The following KLK10 variants were observed in gnomAD, a reference collection of about 807,000 sequenced individuals.
The protein encoded by KLK10 is kallikrein related peptidase 10, also known as kallikrein-10.
KLK10 carries 27 observed loss-of-function variants against 25.7 expected under a neutral mutation model. The ratio of observed to expected loss-of-function variants is 1.05; its 90% confidence interval spans 0.77 to 1.45. The LOEUF (loss-of-function observed/expected upper bound fraction) is 1.45, where lower values mean the gene tolerates loss of function less well. KLK10 is among the 40% of genes most tolerant of loss of function. KLK10 has a pLI of 0.00. For synonymous variants in KLK10, 173 were observed against 160.1 expected, an observed-to-expected ratio of 1.08 and a Z score of -0.61; for missense variants, 386 against 370.0, an observed-to-expected ratio of 1.04 and a Z score of -0.35.
In KLK10 at chr19:51,014,841, T is replaced by G. The variant is rs1419441370; in HGVS notation, c.790A>C (p.Lys264Gln). The G allele has an allele frequency of 6.2e-7, 1 of 1,613,970 alleles. No individual in the cohort carries two copies. The highest frequency in any genetic ancestry group is 8.5e-7 in the Non-Finnish European group (1 of 1,179,984). ...QHPAVYTQIC[K>Q]YMSWINKVIR... is the part of the protein sequence containing the mutation. ...ACTTTATTGATCCAGGACATGTATT[T>G]GCAGATCTGGGTGTAGACAGCTGGA... Residue 264 changes from lysine (K) to glutamine (Q), a missense_variant, in exon 6 of 6, where the codon AAA becomes CAA. Physicochemically the swap from Lys to Gln is moderately conservative, Grantham distance 53. Transcript: ENST00000358789.
chr19:51,016,012 G>A lies in KLK10; in HGVS notation c.414C>T (p.Leu138=), dbSNP rs372790291. ...CGGGCCTGGCCAGCTTCAGCAACAT[G>A]AGATCGTGCTCATCCGTTCGCCTTG... ...ILPRRTDEHD[L]MLLKLARPVV... Residue 138 remains leucine (L), a synonymous_variant, in exon 4 of 6, where the codon CTC becomes CTT. Transcript: ENST00000358789. 6.4e-7 allele frequency: 1 copy of A among 1,567,162 alleles called. No homozygotes were observed.
chr19:51,017,276 G>T lies in KLK10; in HGVS notation c.103C>A (p.Leu35Met). 1 of 1,605,344 alleles carries T rather than the reference G, an allele frequency of 6.2e-7. No individual in the cohort carries two copies. Among genetic ancestry groups the T allele is most frequent in the South Asian group, 1.1e-5 (1 of 90,640 alleles). The stretch of plus-strand genomic sequence containing the variant: ...AAGCGCGTGTCGTTTTGGGGGAGCA[G>T]CGCCGCCTCTGCGGCTGGAGAAAGA... The part of the protein sequence containing the change: ...MAQLWAAEAA[L>M]LPQNDTRLDP... The change falls in exon 3 of 6, where the codon CTG becomes ATG. Residue 35 changes from leucine to methionine, a missense_variant. Transcript: ENST00000358789.
chr19:51,015,512 T>A lies in KLK10; in HGVS notation c.583A>T (p.Ile195Phe). The change falls in exon 5 of 6, where the codon ATC becomes TTC. Residue 195 changes from isoleucine (I) to phenylalanine (F), a missense_variant. Physicochemically the swap from Ile to Phe is conservative, Grantham distance 21 (BLOSUM62 0). Transcript: ENST00000358789. ...NKGLTCSSIT[I>F]LSPKECEVFY... The stretch of plus-strand genomic sequence containing the variant: ...ACCTCACACTCTTTAGGGCTCAGGA[T>A]AGTGATGCTGGAGCAGGTCAGGCCC... 6.2e-7 allele frequency: 1 copy of A among 1,613,906 alleles called. No individual in the cohort carries two copies. The highest frequency in any genetic ancestry group is 8.5e-7 in the Non-Finnish European group (1 of 1,179,866).
At chr19:51,019,816 G>C (rs2091383714), upstream of KLK10, 1 of 145,832 alleles carries the variant, frequency 6.9e-6, no homozygotes, top group Non-Finnish European at 1.5e-5. The surrounding 1 kb of genome is among the most constrained non-coding windows in gnomAD (Gnocchi z 4.2). Context: ...CTGTCTAATT[G>C]TACCGTGGGT....
Position 51,016,056 on chromosome 19 carries a change from C to A in KLK10, c.370G>T (p.Gly124Cys), listed in dbSNP as rs760972602. 2.5e-6 allele frequency: 4 copies of A among 1,568,928 alleles called. No individual in the cohort carries two copies. In the African/African-American group the frequency reaches 5.4e-5, roughly 21 times the overall value. Residue 124 changes from glycine (G) to cysteine (C), a missense_variant, in exon 4 of 6, where the codon GGC (glycine) becomes TGC (cysteine). Coordinates refer to ENST00000358789, the MANE Select transcript of KLK10 (RefSeq NM_145888.3). ...CGCCTTGGCAGGATGGGGCCTGAGCCCTGGTGGTACTTGGGATGGACAACA... is the reference window on the plus strand; with the variant it reads ...CGCCTTGGCAGGATGGGGCCTGAGCACTGGTGGTACTTGGGATGGACAACA... ...RSVVHPKYHQ[G>C]SGPILPRRTD...
In KLK10 at chr19:51,015,997, C is replaced by T; in HGVS notation, c.429G>A (p.Leu143=). ...TDEHDLMLLK[L]ARPVVLGPRV... ...GGGGCCCCAGCACTACGGGCCTGGC[C>T]AGCTTCAGCAACATGAGATCGTGCT... Residue 143 remains leucine, a synonymous_variant, in exon 4 of 6, where the codon CTG becomes CTA. Coordinates refer to ENST00000358789, the MANE Select transcript of KLK10 (RefSeq NM_145888.3). The T allele has an allele frequency of 6.4e-7, 1 of 1,570,212 alleles. No homozygotes were observed. Among genetic ancestry groups the T allele is most frequent in the Non-Finnish European group, 8.6e-7 (1 of 1,157,590 alleles).
In KLK10 at chr19:51,018,825, G is replaced by A; in HGVS notation, c.88+218C>T. On this transcript the variant is annotated intron_variant, in intron 2 of 5. Coordinates refer to ENST00000358789, the MANE Select transcript of KLK10 (RefSeq NM_145888.3). The stretch of plus-strand genomic sequence containing the variant: ...TCCACGGAAGAGCGAGGATCCGGGT[G>A]GCAGAAATCGGACAGGGCCTGAGTG... The A allele has an allele frequency of 5.1e-6, 3 of 586,058 alleles. No homozygotes were observed. The South Asian group carries it at 6.0e-5, about 12-fold the overall frequency. 36.3% of individuals were successfully genotyped at this position (586,058 alleles called of 1,614,324 possible). A position where few individuals can be genotyped will look rare whatever the true frequency, so the allele number is the denominator to read the frequency against.
intron 2 of KLK10, among the ~76,000 whole-genome samples, chr19:51,018,164 C>CAAAAAAAAAAAAAAAAAAAAAA (rs35154267): frequency 5.2e-4 from 19 of 36,440 alleles, no homozygotes; most frequent in East Asian, 1.6e-3. Flanking sequence ...TGCCCTGTCT[C>CAAAAAAAAAAAAAAAAAAAAAA]AAAAAAAAAA....
Position 51,017,171 on chromosome 19 carries a change from G to A in KLK10, c.208C>T (p.His70Tyr). The stretch of plus-strand genomic sequence containing the variant: ...TGGTCCACCAGGACACCCGCGCAGT[G>A]GAACGAGAGGCCGTTGAAGAGCGAG... ...QVSLFNGLSF[H>Y]CAGVLVDQSW... Residue 70 changes from histidine to tyrosine, a missense_variant, in exon 3 of 6, where the codon CAC becomes TAC. Physicochemically the swap from His to Tyr is moderately conservative, Grantham distance 83. Transcript: ENST00000358789. 1.2e-6 allele frequency: 2 copies of A among 1,612,074 alleles called. No homozygotes were observed. Among genetic ancestry groups the A allele is most frequent in the South Asian group, 2.2e-5 (2 of 90,926 alleles).
chr19:51,016,305 A>C, intron 3 of KLK10, 149 bp from the exon 4 acceptor site: 1 of 909,428 alleles, frequency 1.1e-6, no homozygotes, highest in Non-Finnish European at 1.6e-6. Flanking sequence ...GGGAGGAGGA[A>C]TCAGTTGTTT....
rs761389715 is a variant in KLK10 at position 51,014,932 on chromosome 19, CA to C, written c.698del (p.Leu233ArgfsTer60). The C allele has an allele frequency of 5.0e-6, 8 of 1,613,566 alleles. No homozygotes were observed. The highest frequency in any genetic ancestry group is 1.7e-5 in the Admixed American group (1 of 59,968). On this transcript the variant is annotated frameshift_variant, in exon 6 of 6. Transcript: ENST00000358789. LOFTEE classifies it low-confidence loss of function (END_TRUNC). Reference sequence around the variant, plus strand: ...TGCCTTGGAGGGTCTCGTCACAGACCAGGGGGCCTCCAGAGTCACTCTGGGG... The same window carrying C: ...TGCCTTGGAGGGTCTCGTCACAGACCGGGGGCCTCCAGAGTCACTCTGGGG... ...DPCQSDSGGP[L>X]VCDETLQGIL...
chr19:51,015,433 C>G lies in KLK10; in HGVS notation c.662G>C (p.Gly221Ala). The change falls in exon 5 of 6, where the codon GGC becomes GCC. Residue 221 changes from glycine (G) to alanine (A), a missense_variant. Transcript: ENST00000358789. ...AGACCCTACCTGGCAAGGGTCCTGGCCCCGGTCCAGTCCAGCACATATCAT... is the reference window on the plus strand; with the variant it reads ...AGACCCTACCTGGCAAGGGTCCTGGGCCCGGTCCAGTCCAGCACATATCAT... ...NNMICAGLDR[G>A]QDPCQSDSGG... is the part of the protein sequence containing the mutation. 6.2e-7 allele frequency: 1 copy of G among 1,613,722 alleles called. No individual in the cohort carries two copies. Among genetic ancestry groups the G allele is most frequent in the Non-Finnish European group, 8.5e-7 (1 of 1,179,812 alleles).
intron 4 of KLK10, 97 bp from the exon 5 acceptor site, chr19:51,015,647 C>T (rs1330835956): frequency 2.9e-6 from 4 of 1,390,552 alleles, no homozygotes; most frequent in Non-Finnish European, 2.0e-6. Context: ...TAAGCCCCAG[C>T]CCCTCCTCCT....
intron 2 of KLK10, 160 bp from the exon 3 acceptor site, chr19:51,017,450 A>G: frequency 1.5e-6 from 1 of 650,638 alleles, no homozygotes. Flanking sequence ...ACCGAAGGGA[A>G]TGGGAGGAGA....
At position 51,014,670 on chromosome 19, in the gene KLK10, A is replaced by C; in HGVS notation, c.*130T>G. On this transcript the variant is annotated 3_prime_UTR_variant, in exon 6 of 6. Transcript: ENST00000358789. ...GATGTTTAGAGGTGTGGAGGGCGGC[A>C]GAGGTTTGAACAGTGCAGACAAGGG... The C allele has an allele frequency of 1.2e-6, 1 of 836,724 alleles. No homozygotes were observed. The highest frequency in any genetic ancestry group is 1.9e-6 in the Non-Finnish European group (1 of 521,456). 51.8% of individuals were successfully genotyped at this position (836,724 alleles called of 1,614,324 possible).
At position 51,012,769 on chromosome 19, in the gene KLK10, TA is replaced by T. The variant is rs11343599; in HGVS notation, c.*2030del. On this transcript the variant is annotated 3_prime_UTR_variant, in exon 6 of 6. Coordinates refer to ENST00000358789, the MANE Select transcript of KLK10 (RefSeq NM_145888.3). ...TAATTTCAGGTATAATAGGTGCTAT[TA>T]AAAAAAAAAACAAACAAACAAAAAA... 92,239 of 149,722 alleles carry T rather than the reference TA, an allele frequency of 0.62. 28,938 individuals carry two copies. The highest frequency in any genetic ancestry group is 0.75 in the African/African-American group (30,884 of 40,972). 9.3% of individuals were successfully genotyped at this position (149,722 alleles called of 1,614,324 possible). A position where few individuals can be genotyped will look rare whatever the true frequency, so the allele number is the denominator to read the frequency against.
At position 51,015,380 on chromosome 19, in the gene KLK10, T is replaced by C. The variant is rs78878875; in HGVS notation, c.678+37A>G. On this transcript the variant is annotated intron_variant, in intron 5 of 5. Transcript: ENST00000358789. The stretch of plus-strand genomic sequence containing the variant: ...TTTCCCATAACCTCCCTGTCCTCCC[T>C]CCCAGGAGTCAGAGACTCTCCCTGT... 3.4e-3 allele frequency: 5,373 copies of C among 1,601,114 alleles called. 145 individuals carry two copies. The African/African-American group carries it at 0.06, about 18-fold the overall frequency.
chr19:51,016,874 C>T (rs919025088), intron 3 of KLK10, among the ~76,000 whole-genome samples: 6 of 152,162 alleles, frequency 3.9e-5, no homozygotes, highest in Non-Finnish European at 7.3e-5. Flanking sequence ...CAACCACCTC[C>T]TCCTAGAGCT....
In KLK10 at chr19:51,014,657, T is replaced by G. The variant is rs2091298819; in HGVS notation, c.*143A>C. 1 of 704,316 alleles carries G rather than the reference T, an allele frequency of 1.4e-6. No homozygotes were observed. Among genetic ancestry groups the G allele is most frequent in the Non-Finnish European group, 2.4e-6 (1 of 413,862 alleles). 43.6% of individuals were successfully genotyped at this position (704,316 alleles called of 1,614,324 possible). A position where few individuals can be genotyped will look rare whatever the true frequency, so the allele number is the denominator to read the frequency against. On this transcript the variant is annotated 3_prime_UTR_variant, in exon 6 of 6. Coordinates refer to ENST00000358789, the MANE Select transcript of KLK10 (RefSeq NM_145888.3). ...AGGTGAGAGGGGAGATGTTTAGAGG[T>G]GTGGAGGGCGGCAGAGGTTTGAACA...
Sources: allele counts gnomAD v4.1 joint callset (sites outside exome capture counted in the v4.1 genomes callset), GRCh38; gene constraint gnomAD v4.1.1; non-coding constraint Gnocchi (gnomAD v3.1); transcripts MANE v1.5; gene names NCBI Gene and HGNC (gene_info 2026-07-23, HGNC 2026-07-21).